The following ZBTB7C variants were observed in gnomAD, a reference collection of about 807,000 sequenced individuals.
ZBTB7C encodes zinc finger and BTB domain-containing protein 7C.
ZBTB7C carries 8 observed loss-of-function variants against 25.7 expected under a neutral mutation model. The ratio of observed to expected loss-of-function variants is 0.31; its 90% CI spans 0.18 to 0.56. ZBTB7C has a LOEUF of 0.56. Among genes scored for constraint, ZBTB7C ranks in the 20% least tolerant of loss-of-function variants. The pLI is 0.91. For synonymous variants in ZBTB7C, 394 were observed against 369.0 expected (o/e 1.07, Z -0.78); for missense variants, 824 against 855.2 (o/e 0.96, Z 0.46).
At chr18:48,201,012 C>T (rs1325933894) in intron 2 of ZBTB7C, among the ~76,000 whole-genome samples, 1 of 152,220 alleles carries the variant, frequency 6.6e-6, no homozygotes, top group African/African-American at 2.4e-5. Context: ...CATCTAACAC[C>T]TGCATGTGGG....
chr18:48,243,207 T>G (rs2043577678), intron 2 of ZBTB7C, among the ~76,000 whole-genome samples: 1 of 138,272 alleles, frequency 7.2e-6, no homozygotes, highest in Admixed American at 8.5e-5. Flanking sequence ...GAGGTTGCAG[T>G]GAGCCAAGAT....
At chr18:48,403,574 T>C (rs34120854) in intron 1 of ZBTB7C, among the ~76,000 whole-genome samples, 10,971 of 152,266 alleles carry the variant, frequency 0.072, 512 homozygotes, top group South Asian at 0.1. Flanking sequence ...TAAATGAATA[T>C]GCCCAGGTAT....
chr18:48,224,120 A>G (rs1027657879), intron 2 of ZBTB7C, among the ~76,000 whole-genome samples: 2 of 152,200 alleles, frequency 1.3e-5, no homozygotes, highest in Non-Finnish European at 2.9e-5. Flanking sequence ...CATAAGAAAA[A>G]AAAGAACTTT....
At chr18:48,199,075 G>C (rs1038249363) in intron 2 of ZBTB7C, among the ~76,000 whole-genome samples, 1 of 152,234 alleles carries the variant, frequency 6.6e-6, no homozygotes. Flanking sequence ...TAGATTCCAG[G>C]AACGCTGGTA....
intron 2 of ZBTB7C, among the ~76,000 whole-genome samples, chr18:48,337,020 C>A (rs976170289): frequency 6.6e-6 from 1 of 152,192 alleles, no homozygotes; most frequent in Non-Finnish European, 1.5e-5. Context: ...CAGTTCCGAG[C>A]CCACCTAGCA....
chr18:48,359,239 G>A (rs1050247426), intron 1 of ZBTB7C, among the ~76,000 whole-genome samples: 4 of 152,080 alleles, frequency 2.6e-5, no homozygotes, highest in African/African-American at 9.7e-5. Flanking sequence ...CTGGGGCCTG[G>A]CCTTCCTCCA....
rs566973124 is a variant in ZBTB7C at position 48,108,100 on chromosome 18, A to AGG, written c.-16-66979_-16-66978dup. Among the ~76,000 whole-genome samples, 13 of 152,170 alleles carry AGG rather than the reference A, an allele frequency of 8.5e-5. No homozygotes were observed. In the South Asian group the frequency reaches 2.3e-3, roughly 27 times the overall value. On this transcript the variant is annotated intron_variant, in intron 3 of 4. Coordinates refer to ENST00000590800, the MANE Select transcript of ZBTB7C (RefSeq NM_001318841.2). ...GCTGGTCTCCCAAGAGAACCAGGAG[A>AGG]GGGGAGATTCAGGCAGCTGGAAGGA... is the stretch of plus-strand genomic sequence containing the variant.
At chr18:48,223,904 T>C (rs569795626) in intron 2 of ZBTB7C, among the ~76,000 whole-genome samples, 20 of 152,284 alleles carry the variant, frequency 1.3e-4, no homozygotes, top group Non-Finnish European at 1.2e-4. Flanking sequence ...CCAGAAAACC[T>C]TGGAGACAGA....
At chr18:48,403,982 G>C (rs2048220479) in intron 1 of ZBTB7C, among the ~76,000 whole-genome samples, 1 of 152,246 alleles carries the variant, frequency 6.6e-6, no homozygotes, top group East Asian at 1.9e-4. Context: ...GCGAGGCATG[G>C]TAGCTGACGC....
At chr18:48,377,980 T>C (rs902062864) in intron 1 of ZBTB7C, among the ~76,000 whole-genome samples, 19 of 152,290 alleles carry the variant, frequency 1.2e-4, no homozygotes, top group Middle Eastern at 3.4e-3. Context: ...AAGACCAGCC[T>C]GTCTCTACTA....
chr18:48,221,611 C>T (rs111972916), intron 2 of ZBTB7C, among the ~76,000 whole-genome samples: 1 of 150,192 alleles, frequency 6.7e-6, no homozygotes. Flanking sequence ...CTATACTGTC[C>T]CAGTCTCCTC....
At chr18:48,177,532 T>C (rs1437467926) in intron 3 of ZBTB7C, among the ~76,000 whole-genome samples, 2 of 152,186 alleles carry the variant, frequency 1.3e-5, no homozygotes, top group African/African-American at 4.8e-5. Flanking sequence ...AAAGGAACTA[T>C]AATTCCTGGC....
intron 3 of ZBTB7C, among the ~76,000 whole-genome samples, chr18:48,153,240 A>T (rs975864328): frequency 6.6e-6 from 1 of 152,252 alleles, no homozygotes; most frequent in African/African-American, 2.4e-5. Context: ...CAACATATAA[A>T]AGGCTTTATA....
At chr18:48,076,258 A>G (rs934730678) in intron 3 of ZBTB7C, among the ~76,000 whole-genome samples, 1 of 152,208 alleles carries the variant, frequency 6.6e-6, no homozygotes, top group Non-Finnish European at 1.5e-5. Flanking sequence ...GCAGCTAATC[A>G]GTCTCTAATT....
rs2042595477 is a variant in ZBTB7C, at chr18:48,207,198, C to A, written c.-78-21203G>T. Among the ~76,000 whole-genome samples the A allele has an allele frequency of 2.0e-5, 3 of 152,260 alleles. No homozygotes were observed. In the South Asian group the frequency reaches 6.2e-4, roughly 32 times the overall value. On this transcript the variant is annotated intron_variant, in intron 2 of 4. Coordinates refer to ENST00000590800, the MANE Select transcript of ZBTB7C (RefSeq NM_001318841.2). Reference sequence around the variant, plus strand: ...TGAGGATGTGTAACAACTGGGCTCTCTTCAATGACAGTCAAGAGTGTAAAT... The same window carrying A: ...TGAGGATGTGTAACAACTGGGCTCTATTCAATGACAGTCAAGAGTGTAAAT...
rs559647922 is a variant in ZBTB7C, at chr18:48,248,620, C to T, written c.-78-62625G>A. On this transcript the variant is annotated intron_variant, in intron 2 of 4. Coordinates refer to ENST00000590800, the MANE Select transcript of ZBTB7C (RefSeq NM_001318841.2). ...TTAGTTATGTTTTTGCTTATTGTCTCTCTTCTCGCTAAAATGTAATCTCCA... is the reference window on the plus strand; with the variant it reads ...TTAGTTATGTTTTTGCTTATTGTCTTTCTTCTCGCTAAAATGTAATCTCCA... Among the ~76,000 whole-genome samples, 3 of 152,232 alleles carry T rather than the reference C, an allele frequency of 2.0e-5. No homozygotes were observed. In the South Asian group the frequency reaches 6.2e-4, roughly 32 times the overall value.
intron 2 of ZBTB7C, among the ~76,000 whole-genome samples, chr18:48,279,330 C>T (rs2044762552): frequency 6.6e-6 from 1 of 152,180 alleles, no homozygotes; most frequent in South Asian, 2.1e-4. Flanking sequence ...CCCTGCCTCC[C>T]TGCAGTCATT....
At chr18:48,095,554 A>C (rs2038587917) in intron 3 of ZBTB7C, among the ~76,000 whole-genome samples, 1 of 152,004 alleles carries the variant, frequency 6.6e-6, no homozygotes, top group Non-Finnish European at 1.5e-5. Context: ...TCTAATAAAA[A>C]TACAAAAATT....
At chr18:48,322,768 C>T (rs944946264) in intron 2 of ZBTB7C, among the ~76,000 whole-genome samples, 11 of 152,100 alleles carry the variant, frequency 7.2e-5, no homozygotes, top group Non-Finnish European at 1.5e-4. Context: ...CAGCACAATT[C>T]GCAATTGCAA....
Sources: allele counts gnomAD v4.1 joint callset (sites outside exome capture counted in the v4.1 genomes callset), GRCh38; gene constraint gnomAD v4.1.1; transcripts MANE v1.5; gene names NCBI Gene and HGNC (gene_info 2026-07-23, HGNC 2026-07-21).